The following ZNF644 variants were observed in gnomAD, a reference collection of about 807,000 sequenced individuals.
The protein encoded by ZNF644 is zinc finger motif enhancer binding protein 2.
Under a neutral mutation model 108.0 loss-of-function variants are expected in ZNF644, and 20 were observed. The observed-to-expected ratio is 0.19, with a 90% confidence interval of 0.13 to 0.27. ZNF644 has a LOEUF of 0.27. Ranked by LOEUF, ZNF644 falls within the 10% of genes least tolerant of loss-of-function variation. The pLI, the probability that ZNF644 is intolerant of heterozygous loss-of-function variation, is 1.00. For missense variants in ZNF644, 1,338 were observed against 1,548.9 expected, an observed-to-expected ratio of 0.86 and a Z score of 2.29; for synonymous variants, 542 against 539.1, an observed-to-expected ratio of 1.01 and a Z score of -0.08.
chr1:90,921,694 A>G (rs551156487), intron 4 of ZNF644, among the ~76,000 whole-genome samples: 2 of 152,064 alleles, frequency 1.3e-5, no homozygotes, highest in South Asian at 2.1e-4. Context: ...GCTACTGAGA[A>G]TATTTTACTC....
chr1:90,986,827 T>C (rs1255303249), intron 1 of ZNF644, among the ~76,000 whole-genome samples: 3 of 151,834 alleles, frequency 2.0e-5, no homozygotes, highest in Non-Finnish European at 4.4e-5. Context: ...ATACCAACTA[T>C]CTTCTCTAAT....
At chr1:90,958,521 A>T (rs1211596247) in intron 2 of ZNF644, among the ~76,000 whole-genome samples, 3 of 152,180 alleles carry the variant, frequency 2.0e-5, no homozygotes, top group Admixed American at 6.5e-5. Flanking sequence ...CAACAAAAAC[A>T]GTACCGAGAA....
intron 1 of ZNF644, among the ~76,000 whole-genome samples, chr1:91,010,236 C>CTTTT (rs577966817): frequency 1.5e-5 from 2 of 129,932 alleles, no homozygotes; most frequent in African/African-American, 2.8e-5. Context: ...ATGTCTGTGC[C>CTTTT]TTTTTTTTTT....
Position 90,916,216 on chromosome 1 carries a change from G to A in ZNF644, c.*582C>T, listed in dbSNP as rs1230473014. On this transcript the variant is annotated 3_prime_UTR_variant, in exon 6 of 6. Coordinates refer to ENST00000337393, the MANE Select transcript of ZNF644 (RefSeq NM_201269.3). ...TAAACAAATCTCCCTCCACTTTTTA[G>A]TATAAAAAAAACCGTTCCATGTGAT... The A allele has an allele frequency of 6.6e-6, 1 of 152,132 alleles. No homozygotes were observed. The highest frequency in any genetic ancestry group is 2.4e-5 in the African/African-American group (1 of 41,232). 9.4% of individuals were successfully genotyped at this position (152,132 alleles called of 1,614,324 possible). A position where few individuals can be genotyped will look rare whatever the true frequency, so the allele number is the denominator to read the frequency against.
At position 90,918,172 on chromosome 1, in the gene ZNF644, A is replaced by C; in HGVS notation, c.3689-18T>G. The C allele has an allele frequency of 6.3e-7, 1 of 1,587,632 alleles. No homozygotes were observed. The highest frequency in any genetic ancestry group is 1.1e-5 in the South Asian group (1 of 90,494). ...ATCTAAGGCTAAAAAGGGGAAGAGA[A>C]AGACTTAACATTCCTTATATATTTC... On this transcript the variant is annotated intron_variant, in intron 4 of 5. Coordinates refer to ENST00000337393, the MANE Select transcript of ZNF644 (RefSeq NM_201269.3).
intron 1 of ZNF644, among the ~76,000 whole-genome samples, chr1:90,983,882 T>C (rs1405442365): frequency 6.6e-6 from 1 of 152,106 alleles, no homozygotes; most frequent in Non-Finnish European, 1.5e-5. Context: ...TGAGCCAAGA[T>C]CACGTCGCTG....
chr1:90,998,919 G>A (rs943152826), intron 1 of ZNF644, among the ~76,000 whole-genome samples: 28 of 152,290 alleles, frequency 1.8e-4, no homozygotes, highest in African/African-American at 4.3e-4. Context: ...TTCAGTAGCC[G>A]ATCTGATCAA....
intron 4 of ZNF644, among the ~76,000 whole-genome samples, chr1:90,927,626 T>C (rs962177564): frequency 6.6e-6 from 1 of 151,830 alleles, no homozygotes; most frequent in Non-Finnish European, 1.5e-5. Context: ...CACTTATAAA[T>C]GATACGTTAC....
At chr1:91,004,704 A>G (rs1344585132) in intron 1 of ZNF644, among the ~76,000 whole-genome samples, 2 of 152,182 alleles carry the variant, frequency 1.3e-5, no homozygotes, top group African/African-American at 4.8e-5. Context: ...CGAAGGAAGG[A>G]GAGGGAATAG....
chr1:91,015,255 G>C (rs1211355026), intron 1 of ZNF644, among the ~76,000 whole-genome samples: 1 of 152,140 alleles, frequency 6.6e-6, no homozygotes, highest in Non-Finnish European at 1.5e-5. Flanking sequence ...GAAAATTAAA[G>C]AGGGGGAACT....
At chr1:90,957,436 A>T (rs1653864244) in intron 2 of ZNF644, among the ~76,000 whole-genome samples, 1 of 152,194 alleles carries the variant, frequency 6.6e-6, no homozygotes, top group Non-Finnish European at 1.5e-5. Context: ...TAACATAACC[A>T]AGTGGGATTT....
At chr1:90,921,087 G>C (rs945073405) in intron 4 of ZNF644, among the ~76,000 whole-genome samples, 1 of 151,968 alleles carries the variant, frequency 6.6e-6, no homozygotes, top group African/African-American at 2.4e-5. Context: ...CTACATAAAA[G>C]GATGATTTAC....
At chr1:90,973,315 T>C in intron 2 of ZNF644, 1 of 152,144 alleles carries the variant, frequency 6.6e-6, no homozygotes, top group Non-Finnish European at 1.5e-5. Flanking sequence ...TGTGTAGTAT[T>C]TCTTATGTTA....
In ZNF644 at chr1:90,940,715, C is replaced by T. The variant is rs141502892; in HGVS notation, c.639G>A (p.Lys213=). ...CTTGATTTATTAAAGTGCCATCTGACTTTATATTACTCCCTACTGAATTCT... is the reference window on the plus strand; with the variant it reads ...CTTGATTTATTAAAGTGCCATCTGATTTTATATTACTCCCTACTGAATTCT... ...DIQNSVGSNI[K]SDGTLINQVE... is the part of the protein sequence containing the mutation. The change falls in exon 3 of 6, where the codon AAG becomes AAA. Residue 213 remains lysine, a synonymous_variant. Coordinates refer to ENST00000337393, the MANE Select transcript of ZNF644 (RefSeq NM_201269.3). 1,868 of 1,614,074 alleles carry T rather than the reference C, an allele frequency of 1.2e-3. 2 individuals carry two copies. The highest frequency in any genetic ancestry group is 1.3e-3 in the Admixed American group (79 of 60,014).
intron 4 of ZNF644, among the ~76,000 whole-genome samples, chr1:90,935,966 C>T (rs970454686): frequency 6.6e-5 from 10 of 151,986 alleles, no homozygotes; most frequent in Non-Finnish European, 1.5e-4. Context: ...CCCACAAAAC[C>T]GTAAAAGTCT....
At chr1:90,965,688 TA>T (rs1654788475) in intron 2 of ZNF644, among the ~76,000 whole-genome samples, 1 of 152,208 alleles carries the variant, frequency 6.6e-6, no homozygotes, top group Admixed American at 6.5e-5. Context: ...TGAATTTTGA[TA>T]TAAGTAATGA....
chr1:90,944,834 T>A (rs961079574), intron 2 of ZNF644, among the ~76,000 whole-genome samples: 2 of 152,042 alleles, frequency 1.3e-5, no homozygotes, highest in Non-Finnish European at 1.5e-5. Context: ...CAAATATACT[T>A]CTTCTTAGTA....
chr1:90,991,226 G>C (rs1019867740), intron 1 of ZNF644, among the ~76,000 whole-genome samples: 95 of 152,286 alleles, frequency 6.2e-4, no homozygotes, highest in African/African-American at 2.2e-3. Flanking sequence ...AAGGCACAAA[G>C]AGTTATCACT....
intron 2 of ZNF644, among the ~76,000 whole-genome samples, chr1:90,955,650 C>T (rs566988396): frequency 2.6e-5 from 4 of 152,334 alleles, no homozygotes; most frequent in African/African-American, 7.2e-5. Context: ...CCTCACCTCT[C>T]TTGGCCTTCA....
Sources: allele counts gnomAD v4.1 joint callset (sites outside exome capture counted in the v4.1 genomes callset), GRCh38; gene constraint gnomAD v4.1.1; transcripts MANE v1.5; gene names NCBI Gene and HGNC (gene_info 2026-07-23, HGNC 2026-07-21).